ATP7B: variants seen among roughly 807,000 people sequenced by gnomAD.
ATP7B encodes copper-transporting ATPase 2.
A neutral mutation model predicts 118.9 loss-of-function variants in ATP7B; 113 were observed. The ratio of observed to expected loss-of-function variants is 0.95; its 90% CI spans 0.82 to 1.11. The LOEUF is 1.11. Among genes scored for constraint, ATP7B ranks in the 50% most tolerant of loss-of-function variants. The pLI, the probability that ATP7B is intolerant of heterozygous loss-of-function variation, is 0.00. For synonymous variants in ATP7B, 777 were observed against 727.4 expected (o/e 1.07, Z -1.10); for missense variants, 1,867 against 1,871.4 (o/e 1.00, Z 0.04).
At chr13:51,939,215 C>T in intron 16 of ATP7B, 22 bp from the exon 17 acceptor site, 3 of 1,611,460 alleles carry the variant, frequency 1.9e-6, no homozygotes, top group South Asian at 2.2e-5. Flanking sequence ...CAGCCAGCAT[C>T]AGCAGCTACA....
intron 2 of ATP7B, among the ~76,000 whole-genome samples, chr13:51,972,017 A>G (rs901870430): frequency 1.3e-5 from 2 of 152,226 alleles, no homozygotes; most frequent in African/African-American, 2.4e-5. Context: ...TCCAGTCCAC[A>G]GAGACACGCA....
At chr13:51,969,909 A>G (rs1041682885) in intron 3 of ATP7B, among the ~76,000 whole-genome samples, 1 of 152,228 alleles carries the variant, frequency 6.6e-6, no homozygotes, top group South Asian at 2.1e-4. Flanking sequence ...GGGGTAAGAA[A>G]AGAGAAAGTG....
intron 1 of ATP7B, among the ~76,000 whole-genome samples, chr13:51,988,604 C>T (rs531130703): frequency 6.6e-6 from 1 of 152,226 alleles, no homozygotes; most frequent in African/African-American, 2.4e-5. Context: ...GACACACGCA[C>T]ACATATGTTT....
At chr13:52,003,713 A>G (rs35206614) in intron 1 of ATP7B, among the ~76,000 whole-genome samples, 8,222 of 152,250 alleles carry the variant, frequency 0.054, 450 homozygotes, top group African/African-American at 0.14. Flanking sequence ...TTAAATGAGC[A>G]GAACAGGCCA....
At chr13:51,999,882 C>T (rs1382814097) in intron 1 of ATP7B, among the ~76,000 whole-genome samples, 1 of 152,152 alleles carries the variant, frequency 6.6e-6, no homozygotes, top group Non-Finnish European at 1.5e-5. Flanking sequence ...TCCTCAGGTC[C>T]CCAGTGCCCA....
At chr13:51,971,330 T>C (rs1042684413) in intron 2 of ATP7B, among the ~76,000 whole-genome samples, 18 of 152,236 alleles carry the variant, frequency 1.2e-4, no homozygotes, top group African/African-American at 4.3e-4. Flanking sequence ...AAACCATTCA[T>C]TGTTTATGAA....
At chr13:51,979,138 C>T (rs536245271) in intron 1 of ATP7B, 5 of 152,300 alleles carry the variant, frequency 3.3e-5, no homozygotes, top group Admixed American at 2.0e-4. Flanking sequence ...CTTATCAAAC[C>T]TCTGCTTGCA....
chr13:51,964,779 A>ATTT (rs1360292458), intron 5 of ATP7B, 93 bp downstream of exon 5: 20 of 1,462,614 alleles, frequency 1.4e-5, no homozygotes, highest in African/African-American at 5.7e-5. Flanking sequence ...GGTTATTTTC[A>ATTT]TTTTTTCTTA....
Position 51,958,458 on chromosome 13 carries a change from G to A in ATP7B, c.2208C>T (p.Ala736=). The A allele has an allele frequency of 6.2e-7, 1 of 1,614,202 alleles. No individual in the cohort carries two copies. Among genetic ancestry groups the A allele is most frequent in the Non-Finnish European group, 8.5e-7 (1 of 1,180,048 alleles). Residue 736 remains alanine, a synonymous_variant, in exon 8 of 21, where the codon GCC becomes GCT. Coordinates refer to ENST00000242839, the MANE Select transcript of ATP7B (RefSeq NM_000053.4). ...GAGAATAAACATAAGCAATGCTTGT[G>A]GCCAGGACGATGAGCACGTCCATGT... The part of the protein sequence containing the change: ...SANMDVLIVL[A]TSIAYVYSLV...
chr13:52,011,997 C>CCAAAGGAA, upstream of ATP7B: 1 of 326,440 alleles, frequency 3.1e-6, no homozygotes, highest in Non-Finnish European at 5.8e-6. Context: ...AGGAAGCAAC[C>CCAAAGGAA]GCGGCAAGAG....
At chr13:51,947,751 G>A (rs1286012170) in intron 12 of ATP7B, 1 of 152,216 alleles carries the variant, frequency 6.6e-6, no homozygotes, top group African/African-American at 2.4e-5. Context: ...CTGGCATTCT[G>A]ATAGGACTGG....
In ATP7B at chr13:51,968,493, G is replaced by A; in HGVS notation, c.1658C>T (p.Ala553Val). 1 of 1,614,158 alleles carries A rather than the reference G, an allele frequency of 6.2e-7. No homozygotes were observed. Among genetic ancestry groups the A allele is most frequent in the Non-Finnish European group, 8.5e-7 (1 of 1,180,030 alleles). Residue 553 changes from alanine to valine, a missense_variant, in exon 4 of 21, where the codon GCA becomes GTA. Coordinates refer to ENST00000242839, the MANE Select transcript of ATP7B (RefSeq NM_000053.4). ...AQFIQDLGFE[A>V]AVMEDYAGSD... ...GCCTGCGTAGTCCTCCATGACTGCT[G>A]CCTCAAAACCCAGGTCCTGGATGAA...
chr13:51,969,913 G>A (rs1263821129), intron 3 of ATP7B, among the ~76,000 whole-genome samples: 2 of 152,220 alleles, frequency 1.3e-5, no homozygotes, highest in African/African-American at 4.8e-5. Flanking sequence ...TAAGAAAAGA[G>A]AAAGTGATTC....
chr13:51,950,322 T>TCCACTGGAAACTTTCCCCC lies in ATP7B; in HGVS notation c.2506_2524dup (p.Asp842GlyfsTer18). The stretch of plus-strand genomic sequence containing the variant: ...GGTATTGCCTTCCAGGACTTTCCCA[T>TCCACTGGAAACTTTCCCCC]CCACTGGAAACTTTCCCCCAGGGAC... On this transcript the variant is annotated frameshift_variant, in exon 10 of 21. Coordinates refer to ENST00000242839, the MANE Select transcript of ATP7B (RefSeq NM_000053.4). LOFTEE classifies it high-confidence loss of function. 6.2e-7 allele frequency: 1 copy of TCCACTGGAAACTTTCCCCC among 1,614,106 alleles called. No individual in the cohort carries two copies. The highest frequency in any genetic ancestry group is 8.5e-7 in the Non-Finnish European group (1 of 1,180,008).
intron 5 of ATP7B, among the ~76,000 whole-genome samples, chr13:51,963,310 G>A (rs912778471): frequency 1.3e-5 from 2 of 152,138 alleles, no homozygotes; most frequent in South Asian, 2.1e-4. Flanking sequence ...TCTGCTGTCC[G>A]TGAGCTGGGT....
At chr13:52,011,957 C>T, upstream of ATP7B, 1 of 300,086 alleles carries the variant, frequency 3.3e-6, no homozygotes, top group South Asian at 3.1e-5. Context: ...TCGGACTCTG[C>T]GCCTGGCTGC....
intron 1 of ATP7B, among the ~76,000 whole-genome samples, chr13:52,006,725 C>A (rs555415759): frequency 2.0e-5 from 3 of 152,224 alleles, no homozygotes; most frequent in Non-Finnish European, 4.4e-5. Flanking sequence ...CCTTGCCACG[C>A]CCCTCACAGT....
chr13:52,002,337 G>A (rs1169613862), intron 1 of ATP7B, among the ~76,000 whole-genome samples: 2 of 151,042 alleles, frequency 1.3e-5, no homozygotes, highest in African/African-American at 4.9e-5. Context: ...TGAAATGGGA[G>A]GATCACTTGA....
chr13:51,997,603 G>T (rs1332363874), intron 1 of ATP7B, among the ~76,000 whole-genome samples: 1 of 152,200 alleles, frequency 6.6e-6, no homozygotes, highest in African/African-American at 2.4e-5. Context: ...CCTGTGGGTG[G>T]TGTAGAATCA....
Sources: gnomAD v4.1 joint callset for allele counts (sites outside exome capture counted in the v4.1 genomes callset) on GRCh38, gnomAD v4.1.1 for gene constraint, MANE v1.5 for transcripts, NCBI Gene and HGNC (gene_info 2026-07-23, HGNC 2026-07-21) for gene names.